Variants in JPH4 observed in about 807,000 individuals in gnomAD.
JPH4 encodes junctophilin-4.
Under a neutral mutation model 57.6 loss-of-function variants are expected in JPH4, and 18 were observed. The observed-to-expected ratio is 0.31, with a 90% CI of 0.22 to 0.46. The LOEUF is 0.46. Ranked by LOEUF, JPH4 falls within the 20% of genes least tolerant of loss-of-function variation. JPH4 has a pLI of 1.00. For synonymous variants in JPH4, 425 were observed against 406.6 expected, an observed-to-expected ratio of 1.05 and a Z score of -0.54; for missense variants, 727 against 911.1, an observed-to-expected ratio of 0.80 and a Z score of 2.60.
rs182391503 is a variant in JPH4, at chr14:23,569,842, G to A, written c.1804-125C>T. ...CTGCACAGCCTGGAGCAGGGGGATC[G>A]CCAACATTTGTTTTGGATTGCAAAA... On this transcript the variant is annotated intron_variant, in intron 5 of 5. Transcript: ENST00000356300. The surrounding 1 kb of genome is among the most constrained non-coding windows in gnomAD (Gnocchi z 4.8). The A allele has an allele frequency of 6.7e-5, 42 of 627,052 alleles. No homozygotes were observed. Among genetic ancestry groups the A allele is most frequent in the Middle Eastern group, 4.4e-4 (1 of 2,296 alleles). The allele number at this position is 627,052 out of a possible 1,614,324, so 38.8% of individuals were successfully genotyped here.
Position 23,576,039 on chromosome 14 carries a change from G to A in JPH4, c.797C>T (p.Pro266Leu), listed in dbSNP as rs1595395848. The A allele has an allele frequency of 4.5e-6, 6 of 1,324,174 alleles. No individual in the cohort carries two copies. Among genetic ancestry groups the A allele is most frequent in the Non-Finnish European group, 5.8e-6 (6 of 1,042,836 alleles). The allele number at this position is 1,324,174 out of a possible 1,614,324, so 82.0% of individuals were successfully genotyped here. A position where few individuals can be genotyped will look rare whatever the true frequency, so the allele number is the denominator to read the frequency against. The change falls in exon 3 of 6, where the codon CCG (proline) becomes CTG (leucine). Residue 266 changes from proline to leucine, a missense_variant. Transcript: ENST00000356300. The surrounding 1 kb of genome is among the most constrained non-coding windows in gnomAD (Gnocchi z 8.0). The stretch of plus-strand genomic sequence containing the variant: ...GATGAGGGCGGGCGGCGCTGCGGCC[G>A]GGGGCCCGCTGGCCTCCGAGCCGGG... Reference protein sequence around the residue: ...GPPGSEASGPPAAAPPALIEG... With the variant: ...GPPGSEASGPLAAAPPALIEG...
At chr14:23,570,342 T>C (rs1261003122) in intron 5 of JPH4, among the ~76,000 whole-genome samples, 1 of 151,424 alleles carries the variant, frequency 6.6e-6, no homozygotes, top group Non-Finnish European at 1.5e-5. Flanking sequence ...CCATTAATTA[T>C]TAGTTTACAA....
chr14:23,570,785 TGAGGTGGGA>T, intron 5 of JPH4, 134 bp downstream of exon 5: 2 of 756,254 alleles, frequency 2.6e-6, no homozygotes, highest in Non-Finnish European at 1.9e-6. Context: ...TCTATTTTTT[TGAGGTGGGA>T]TGTGGTCCAA....
chr14:23,573,145 G>C lies in JPH4; in HGVS notation c.1152-1225C>G, dbSNP rs1595394331. The C allele has an allele frequency of 5.0e-6, 3 of 599,674 alleles. No homozygotes were observed. In the East Asian group the frequency reaches 8.4e-5, roughly 17 times the overall value. The allele number at this position is 599,674 out of a possible 1,614,324, so 37.1% of individuals were successfully genotyped here. ...CAGTCTGGTATGGGGGTGGGGAAGA[G>C]GATGGTGATATCTACTGTGCATATT... is the stretch of plus-strand genomic sequence containing the variant. On this transcript the variant is annotated intron_variant, in intron 3 of 5. Coordinates refer to ENST00000356300, the MANE Select transcript of JPH4 (RefSeq NM_001146028.2).
chr14:23,574,176 A>ATT (rs61343632), intron 3 of JPH4, among the ~76,000 whole-genome samples: 15 of 140,968 alleles, frequency 1.1e-4, no homozygotes, highest in African/African-American at 3.6e-4. Flanking sequence ...CTTCTTTTAG[A>ATT]TTTTTTTTTT....
chr14:23,571,030 G>A lies in JPH4; in HGVS notation c.1701C>T (p.Ile567=), dbSNP rs528868041. 7 of 1,595,730 alleles carry A rather than the reference G, an allele frequency of 4.4e-6. No individual in the cohort carries two copies. The highest frequency in any genetic ancestry group is 2.3e-5 in the South Asian group (2 of 88,184). Residue 567 remains isoleucine, a synonymous_variant, in exon 5 of 6, where the codon ATC becomes ATT. Coordinates refer to ENST00000356300, the MANE Select transcript of JPH4 (RefSeq NM_001146028.2). The surrounding 1 kb of genome is among the most constrained non-coding windows in gnomAD (Gnocchi z 4.6). ...ACGAGCCCCTCAGGACCAGCATGGC[G>A]ATGGGCTCAGGCTCCGTGCCTGCTG... ...RAPAGTEPEP[I]AMLVLRGSSS... is the part of the protein sequence containing the mutation.
chr14:23,576,518 A>G lies in JPH4; in HGVS notation c.380-62T>C, dbSNP rs965136711. 3 of 1,305,814 alleles carry G rather than the reference A, an allele frequency of 2.3e-6. No individual in the cohort carries two copies. The Admixed American group carries it at 1.2e-4, about 50-fold the overall frequency. 80.9% of individuals were successfully genotyped at this position (1,305,814 alleles called of 1,614,324 possible). A position where few individuals can be genotyped will look rare whatever the true frequency, so the allele number is the denominator to read the frequency against. ...CGTGCCGCTGGGCTCCTTGCGCCCC[A>G]AGTCCCAAGCGCCCCTGGAAGCCCA... On this transcript the variant is annotated intron_variant, in intron 2 of 5. Coordinates refer to ENST00000356300, the MANE Select transcript of JPH4 (RefSeq NM_001146028.2). This position sits in a 1 kb window ranked among gnomAD's most constrained non-coding sequence, Gnocchi z 8.0.
intron 5 of JPH4, among the ~76,000 whole-genome samples, chr14:23,570,612 G>A (rs961086724): frequency 6.6e-6 from 1 of 151,946 alleles, no homozygotes; most frequent in African/African-American, 2.4e-5. Flanking sequence ...CTGACCTCGT[G>A]ATCCGCCCAC....
At position 23,571,273 on chromosome 14, in the gene JPH4, C is replaced by T; in HGVS notation, c.1458G>A (p.Gln486=). The stretch of plus-strand genomic sequence containing the variant: ...AAGCTTTGGGGCTGGAGAAGGGACC[C>T]TGGTCCCCTCCAGGAGGCAGTGGGC... ...CRSPLPPGGD[Q]GPFSSPKAWP... Residue 486 remains glutamine, a synonymous_variant, in exon 5 of 6, where the codon CAG becomes CAA. Transcript: ENST00000356300. This position sits in a 1 kb window ranked among gnomAD's most constrained non-coding sequence, Gnocchi z 4.6. 6.2e-7 allele frequency: 1 copy of T among 1,604,000 alleles called. No homozygotes were observed. The highest frequency in any genetic ancestry group is 2.2e-5 in the East Asian group (1 of 44,768).
intron 3 of JPH4, among the ~76,000 whole-genome samples, chr14:23,572,244 T>G (rs1022542795): frequency 5.3e-5 from 8 of 152,080 alleles, no homozygotes; most frequent in African/African-American, 1.9e-4. Flanking sequence ...TGTAATTCCA[T>G]TCCTATCCTG....
At chr14:23,573,746 A>G (rs1388567946) in intron 3 of JPH4, among the ~76,000 whole-genome samples, 1 of 152,046 alleles carries the variant, frequency 6.6e-6, no homozygotes, top group Non-Finnish European at 1.5e-5. Flanking sequence ...AGTTACTGAG[A>G]TCAGTTTTTC....
chr14:23,575,984 G>A lies in JPH4; in HGVS notation c.852C>T (p.Gly284=). Reference sequence around the variant, plus strand: ...CGCTGCGCCGATCTGCGCGCCACTCGCCCGCGTACACCTCTGTGGCCGAGC... The same window carrying A: ...CGCTGCGCCGATCTGCGCGCCACTCACCCGCGTACACCTCTGTGGCCGAGC... ...IEGSATEVYA[G]EWRADRRSGF... Residue 284 remains glycine (G), a synonymous_variant, in exon 3 of 6, where the codon GGC becomes GGT. Coordinates refer to ENST00000356300, the MANE Select transcript of JPH4 (RefSeq NM_001146028.2). This position sits in a 1 kb window ranked among gnomAD's most constrained non-coding sequence, Gnocchi z 6.9. 4 of 1,512,468 alleles carry A rather than the reference G, an allele frequency of 2.6e-6. No homozygotes were observed. The highest frequency in any genetic ancestry group is 1.8e-4 in the Middle Eastern group (1 of 5,414). 93.7% of individuals were successfully genotyped at this position (1,512,468 alleles called of 1,614,324 possible). A position where few individuals can be genotyped will look rare whatever the true frequency, so the allele number is the denominator to read the frequency against.
intron 3 of JPH4, among the ~76,000 whole-genome samples, chr14:23,572,252 C>G (rs1463999877): frequency 6.6e-6 from 1 of 152,094 alleles, no homozygotes; most frequent in African/African-American, 2.4e-5. Context: ...CATTCCTATC[C>G]TGCCCCCTTC....
At chr14:23,573,017 A>G in intron 3 of JPH4, 1 of 696,874 alleles carries the variant, frequency 1.4e-6, no homozygotes, top group Non-Finnish European at 2.6e-6. Flanking sequence ...TGGGGCACAA[A>G]AGAGCTGAGG....
Position 23,577,740 on chromosome 14 carries a change from T to G in JPH4, c.-171-116A>C. ...GCCGCCCCCCAATCCACCCCCCTCC[T>G]TTGGCAGCATCTTCCAGCAGCCCCC... On this transcript the variant is annotated intron_variant, in intron 1 of 5. Transcript: ENST00000356300. This position sits in a 1 kb window ranked among gnomAD's most constrained non-coding sequence, Gnocchi z 8.4. The G allele has an allele frequency of 3.1e-6, 1 of 319,382 alleles. No homozygotes were observed. Among genetic ancestry groups the G allele is most frequent in the African/African-American group, 2.1e-5 (1 of 46,708 alleles). 19.8% of individuals were successfully genotyped at this position (319,382 alleles called of 1,614,324 possible).
chr14:23,570,457 C>T (rs1311230795), intron 5 of JPH4, among the ~76,000 whole-genome samples: 7 of 150,894 alleles, frequency 4.6e-5, no homozygotes, highest in South Asian at 2.1e-4. Context: ...CTGCAGGCTC[C>T]GCCTCCCGGG....
chr14:23,571,595 AC>A lies in JPH4; in HGVS notation c.1271-136del. ...ATAGCCTCTCACCGCCAGACCCCAA[AC>A]CCCCCATTATCCTACTGCATACATT... On this transcript the variant is annotated intron_variant, in intron 4 of 5. Transcript: ENST00000356300. The surrounding 1 kb of genome is among the most constrained non-coding windows in gnomAD (Gnocchi z 4.6). 3 of 1,166,790 alleles carry A rather than the reference AC, an allele frequency of 2.6e-6. No homozygotes were observed. Among genetic ancestry groups the A allele is most frequent in the Non-Finnish European group, 2.4e-6 (2 of 824,250 alleles). 72.3% of individuals were successfully genotyped at this position (1,166,790 alleles called of 1,614,324 possible). A position where few individuals can be genotyped will look rare whatever the true frequency, so the allele number is the denominator to read the frequency against.
chr14:23,577,215 C>T lies in JPH4; in HGVS notation c.239G>A (p.Arg80His), dbSNP rs1338297186. 1.3e-6 allele frequency: 2 copies of T among 1,537,080 alleles called. No homozygotes were observed. The highest frequency in any genetic ancestry group is 1.2e-5 in the South Asian group (1 of 83,824). ...REGLGVERKSRWTYRGEWLGG... is the reference protein window; with the variant it reads ...REGLGVERKSHWTYRGEWLGG... ...CAGCCACTCGCCGCGGTACGTCCAG[C>T]GGCTCTTGCGCTCCACGCCCAGCCC... The change falls in exon 2 of 6, where the codon CGC becomes CAC. Residue 80 changes from arginine to histidine, a missense_variant. Arg to His is a conservative substitution (Grantham distance 29). Around this residue, in one of 7 missense-constraint regions of JPH4, gnomAD observed 83 missense variants for 135.4 expected, o/e 0.61. Transcript: ENST00000356300. The surrounding 1 kb of genome is among the most constrained non-coding windows in gnomAD (Gnocchi z 8.4).
chr14:23,571,876 G>A lies in JPH4; in HGVS notation c.1196C>T (p.Ala399Val). Residue 399 changes from alanine (A) to valine (V), a missense_variant, in exon 4 of 6, where the codon GCT (alanine) becomes GTT (valine). This residue lies in a region of JPH4 where 293 missense variants were observed against 279.8 expected (regional missense o/e 1.05). Transcript: ENST00000356300. This position sits in a 1 kb window ranked among gnomAD's most constrained non-coding sequence, Gnocchi z 4.6. ...LLKAVAASSV[A>V]EKAVEAARMA... ...TCGAGCTGCCTCCACGGCCTTCTCA[G>A]CGACACTGCTGGCTGCCACTGCCTT... 1 of 1,613,010 alleles carries A rather than the reference G, an allele frequency of 6.2e-7. No individual in the cohort carries two copies. The highest frequency in any genetic ancestry group is 8.5e-7 in the Non-Finnish European group (1 of 1,179,922).
Sources: gnomAD v4.1 joint callset for allele counts (sites outside exome capture counted in the v4.1 genomes callset) on GRCh38, gnomAD v4.1.1 for gene constraint, gnomAD v4.1.1 regional missense constraint, Gnocchi (gnomAD v3.1) non-coding constraint, MANE v1.5 for transcripts, NCBI Gene and HGNC (gene_info 2026-07-23, HGNC 2026-07-21) for gene names.